TEAD1: variants seen among roughly 807,000 people sequenced by gnomAD.
The protein encoded by TEAD1 is transcriptional enhancer factor TEF-1.
TEAD1 carries 9 observed loss-of-function variants against 54.9 expected under a neutral mutation model. The ratio of observed to expected loss-of-function variants is 0.16; its 90% CI spans 0.10 to 0.29. The LOEUF (loss-of-function observed/expected upper bound fraction) is 0.29, where lower values mean the gene tolerates loss of function less well. TEAD1 is among the 10% of genes least tolerant of loss of function. TEAD1 has a pLI of 1.00. For synonymous variants in TEAD1, 200 were observed against 187.8 expected (o/e 1.07, Z -0.53); for missense variants, 387 against 535.9 (o/e 0.72, Z 2.74).
intron 3 of TEAD1, among the ~76,000 whole-genome samples, chr11:12,832,128 A>G (rs748562119): frequency 1.2e-4 from 18 of 152,128 alleles, no homozygotes; most frequent in Non-Finnish European, 2.2e-4. Context: ...AATGATTACT[A>G]TGTACACACA....
intron 3 of TEAD1, among the ~76,000 whole-genome samples, chr11:12,768,538 A>G (rs188618359): frequency 6.6e-6 from 1 of 152,380 alleles, no homozygotes; most frequent in East Asian, 1.9e-4. Context: ...TGAGAGGGGT[A>G]AAATGGCTTG....
At chr11:12,819,836 T>C (rs1946502222) in intron 3 of TEAD1, among the ~76,000 whole-genome samples, 1 of 152,232 alleles carries the variant, frequency 6.6e-6, no homozygotes, top group Non-Finnish European at 1.5e-5. Context: ...AAAGATGTTA[T>C]TTCATAGATA....
chr11:12,743,574 A>C (rs1436604950), intron 2 of TEAD1, among the ~76,000 whole-genome samples: 3 of 152,204 alleles, frequency 2.0e-5, no homozygotes, highest in African/African-American at 7.2e-5. Context: ...ACTTAGCAGA[A>C]ACAGCCCCCT....
chr11:12,704,579 G>A (rs1002777711), intron 2 of TEAD1, among the ~76,000 whole-genome samples: 1 of 152,202 alleles, frequency 6.6e-6, no homozygotes, highest in Admixed American at 6.5e-5. Context: ...AGAAAACCAA[G>A]CCTTCCTTTT....
intron 4 of TEAD1, 80 bp from the exon 5 acceptor site, chr11:12,864,758 G>C: frequency 6.2e-7 from 1 of 1,612,310 alleles, no homozygotes; most frequent in Non-Finnish European, 8.5e-7. Context: ...GGTACGTCTG[G>C]CTTGCCCACT....
intron 3 of TEAD1, among the ~76,000 whole-genome samples, chr11:12,840,346 A>C (rs1947008119): frequency 6.6e-6 from 1 of 151,278 alleles, no homozygotes; most frequent in African/African-American, 2.4e-5. Flanking sequence ...TGTTTTCACT[A>C]TGGAATGGTT....
chr11:12,780,242 A>T (rs866275112), intron 3 of TEAD1, among the ~76,000 whole-genome samples: 44 of 140,468 alleles, frequency 3.1e-4, no homozygotes, highest in South Asian at 1.6e-3. Context: ...TCAATTGTAA[A>T]TTTTTTTTTT....
chr11:12,727,312 G>A (rs948910819), intron 2 of TEAD1, among the ~76,000 whole-genome samples: 17 of 152,182 alleles, frequency 1.1e-4, no homozygotes, highest in Admixed American at 3.9e-4. Flanking sequence ...GGGGATGCTG[G>A]ATGGAGAGAC....
chr11:12,764,210 G>A lies in TEAD1; in HGVS notation c.-23G>A, dbSNP rs781195301. The stretch of plus-strand genomic sequence containing the variant: ...TTTCTTGAAAAGGCTCCAGGCTTCG[G>A]CTTGGAAAATCCCACCGCCAAAATT... On this transcript the variant is annotated 5_prime_UTR_variant, in exon 3 of 13. Transcript: ENST00000527636. 6.2e-7 allele frequency: 1 copy of A among 1,610,852 alleles called. No homozygotes were observed. The highest frequency in any genetic ancestry group is 1.3e-5 in the African/African-American group (1 of 74,720).
Position 12,937,255 on chromosome 11 carries a change from A to G in TEAD1, c.*33A>G, listed in dbSNP as rs149197545. 1.1e-4 allele frequency: 160 copies of G among 1,423,124 alleles called. No individual in the cohort carries two copies. The East Asian group carries it at 3.7e-3, about 33-fold the overall frequency. 88.2% of individuals were successfully genotyped at this position (1,423,124 alleles called of 1,614,324 possible). ...TATTTATATATATAGATATCTGTATATACACACACACATATGTGCACACAC... is the reference window on the plus strand; with the variant it reads ...TATTTATATATATAGATATCTGTATGTACACACACACATATGTGCACACAC... On this transcript the variant is annotated 3_prime_UTR_variant, in exon 13 of 13. Coordinates refer to ENST00000527636, the MANE Select transcript of TEAD1 (RefSeq NM_021961.6).
At chr11:12,850,072 CT>C (rs1199818814) in intron 3 of TEAD1, among the ~76,000 whole-genome samples, 1 of 152,170 alleles carries the variant, frequency 6.6e-6, no homozygotes, top group Admixed American at 6.5e-5. Context: ...TTTTTCAACC[CT>C]TTTAGGACCC....
At chr11:12,857,779 G>A (rs924579656) in intron 3 of TEAD1, among the ~76,000 whole-genome samples, 3 of 152,052 alleles carry the variant, frequency 2.0e-5, no homozygotes, top group Non-Finnish European at 2.9e-5. Context: ...CCTTTGGAGG[G>A]CAGGGCTGTA....
chr11:12,835,175 T>C (rs1157566704), intron 3 of TEAD1, among the ~76,000 whole-genome samples: 1 of 152,176 alleles, frequency 6.6e-6, no homozygotes, highest in African/African-American at 2.4e-5. Context: ...TGTTGGTTTT[T>C]TTTAGCTACA....
At chr11:12,876,215 A>T (rs1947851390) in intron 5 of TEAD1, among the ~76,000 whole-genome samples, 1 of 152,222 alleles carries the variant, frequency 6.6e-6, no homozygotes, top group African/African-American at 2.4e-5. Flanking sequence ...TGTGTGACAT[A>T]AACAGCAAAG....
intron 2 of TEAD1, among the ~76,000 whole-genome samples, chr11:12,712,374 G>A (rs1336899974): frequency 1.3e-5 from 2 of 152,110 alleles, no homozygotes; most frequent in East Asian, 1.9e-4. Flanking sequence ...GACATTTTAT[G>A]TGCACCTACA....
chr11:12,729,906 T>G (rs1944385448), intron 2 of TEAD1, among the ~76,000 whole-genome samples: 1 of 152,194 alleles, frequency 6.6e-6, no homozygotes, highest in African/African-American at 2.4e-5. Flanking sequence ...AATGCCTGCA[T>G]GTGTTGCTTA....
At chr11:12,758,743 A>G (rs1945041950) in intron 2 of TEAD1, among the ~76,000 whole-genome samples, 2 of 151,530 alleles carry the variant, frequency 1.3e-5, no homozygotes, top group Non-Finnish European at 2.9e-5. Flanking sequence ...AGGTTTCACC[A>G]TGTTGGCCAG....
rs528314990 is a variant in TEAD1 at position 12,689,796 on chromosome 11, ACTC to A, written c.-55+14238_-55+14240del. Among the ~76,000 whole-genome samples the A allele has an allele frequency of 5.7e-4, 86 of 151,438 alleles. 1 individual carries two copies. The highest frequency in any genetic ancestry group is 1.9e-3 in the African/African-American group (79 of 41,246). ...CATCACCTCATGGCTATTCTTGTAA[ACTC>A]CTGGCTCCTCTCCCACCAGATTATT... On this transcript the variant is annotated intron_variant, in intron 2 of 12. Coordinates refer to ENST00000527636, the MANE Select transcript of TEAD1 (RefSeq NM_021961.6).
At chr11:12,834,729 TG>T (rs1468873804) in intron 3 of TEAD1, among the ~76,000 whole-genome samples, 1 of 95,406 alleles carries the variant, frequency 1.0e-5, no homozygotes, top group African/African-American at 3.9e-5. Flanking sequence ...CCCAAAGTAT[TG>T]GGATTACAGA....
Sources: allele counts gnomAD v4.1 joint callset (sites outside exome capture counted in the v4.1 genomes callset), GRCh38; gene constraint gnomAD v4.1.1; transcripts MANE v1.5; gene names NCBI Gene and HGNC (gene_info 2026-07-23, HGNC 2026-07-21).